The following EEF1D variants were observed in gnomAD, a reference collection of about 807,000 sequenced individuals.
EEF1D encodes eukaryotic translation elongation factor 1 delta.
A neutral mutation model predicts 63.9 loss-of-function variants in EEF1D; 47 were observed. The observed-to-expected ratio is 0.74, with a 90% CI of 0.58 to 0.94. The LOEUF (loss-of-function observed/expected upper bound fraction) is 0.94. Ranked by LOEUF, EEF1D falls within the 40% of genes least tolerant of loss-of-function variation. The pLI, the probability that EEF1D is intolerant of heterozygous loss-of-function variation, is 0.00. For synonymous variants in EEF1D, 412 were observed against 386.1 expected, an observed-to-expected ratio of 1.07 and a Z score of -0.79; for missense variants, 907 against 899.0, an observed-to-expected ratio of 1.01 and a Z score of -0.11.
In EEF1D at chr8:143,580,627, T is replaced by C. The variant is rs1172221214; in HGVS notation, c.1589A>G (p.Asn530Ser). The C allele has an allele frequency of 4.3e-6, 7 of 1,613,876 alleles. No individual in the cohort carries two copies. Among genetic ancestry groups the C allele is most frequent in the Admixed American group, 1.7e-5 (1 of 60,018 alleles). ...TGCCGCCTCCTTGTCCTCCTCCTCA[T>C]TGTCACTGCCAAACAGGTCAATGTC... is the stretch of plus-strand genomic sequence containing the variant. ...DDDIDLFGSD[N>S]EEEDKEAAQL... is the part of the protein sequence containing the mutation. Residue 530 changes from asparagine to serine, a missense_variant, in exon 8 of 10, where the codon AAT (asparagine) becomes AGT (serine). Transcript: ENST00000618139.
intron 2 of EEF1D, chr8:143,592,053 C>A (rs1828056398): frequency 1.0e-6 from 1 of 985,472 alleles, no homozygotes. Flanking sequence ...CTAGGCTCCC[C>A]TGCTCATTCC....
intron 1 of EEF1D, chr8:143,596,764 C>T (rs1162051974): frequency 6.6e-6 from 1 of 152,348 alleles, no homozygotes; most frequent in Non-Finnish European, 1.5e-5. Flanking sequence ...GAAAGTACTA[C>T]TTCTTAGCAA....
At chr8:143,594,154 A>C (rs4242489) in intron 1 of EEF1D, 148,035 of 152,934 alleles carry the variant, frequency 0.97, 71,845 homozygotes, top group East Asian at 1. Flanking sequence ...GGAAGTGGCC[A>C]AAGTGTCCCT....
At chr8:143,593,993 C>T (rs948238759) in intron 1 of EEF1D, 11 of 886,342 alleles carry the variant, frequency 1.2e-5, no homozygotes, top group Non-Finnish European at 1.5e-5. Context: ...GAGCAGGACA[C>T]AGCGACTCTT....
chr8:143,580,779 C>T, intron 7 of EEF1D, 52 bp from the exon 8 acceptor site: 1 of 1,595,688 alleles, frequency 6.3e-7, no homozygotes, highest in South Asian at 1.1e-5. Flanking sequence ...CAACCAGGGC[C>T]CAGAGCTGCC....
intron 7 of EEF1D, 142 bp from the exon 8 acceptor site, chr8:143,580,869 C>A (rs1271892668): frequency 2.6e-6 from 3 of 1,172,242 alleles, no homozygotes; most frequent in Non-Finnish European, 3.7e-6. Flanking sequence ...ACATGCAGGG[C>A]CCCAGGAAAG....
At chr8:143,587,826 C>T (rs1827001327) in intron 3 of EEF1D, among the ~76,000 whole-genome samples, 1 of 152,238 alleles carries the variant, frequency 6.6e-6, no homozygotes, top group Admixed American at 6.5e-5. Flanking sequence ...AGGAGCTGGG[C>T]AGATGACTCT....
Position 143,589,108 on chromosome 8 carries a change from G to A in EEF1D, c.974C>T (p.Ala325Val), listed in dbSNP as rs1827320094. The change falls in exon 3 of 10, where the codon GCC becomes GTC. Residue 325 changes from alanine (A) to valine (V), a missense_variant. Coordinates refer to ENST00000618139, the MANE Select transcript of EEF1D (RefSeq NM_001130053.5). Reference protein sequence around the residue: ...PWLSKPAYDSAECRHHAAEAL... With the variant: ...PWLSKPAYDSVECRHHAAEAL... ...CTCGGCAGCGTGGTGGCGGCACTCGGCGCTGTCGTAGGCAGGCTTGCTGAG... is the reference window on the plus strand; with the variant it reads ...CTCGGCAGCGTGGTGGCGGCACTCGACGCTGTCGTAGGCAGGCTTGCTGAG... 6.2e-7 allele frequency: 1 copy of A among 1,610,168 alleles called. No individual in the cohort carries two copies. The highest frequency in any genetic ancestry group is 8.5e-7 in the Non-Finnish European group (1 of 1,179,172).
intron 3 of EEF1D, among the ~76,000 whole-genome samples, chr8:143,587,790 G>A (rs867655701): frequency 2.0e-5 from 3 of 152,200 alleles, no homozygotes; most frequent in Non-Finnish European, 4.4e-5. Context: ...GCCCCACCTC[G>A]TGCCACTCCC....
chr8:143,580,871 C>T, intron 7 of EEF1D, 144 bp from the exon 8 acceptor site: 1 of 1,160,590 alleles, frequency 8.6e-7, no homozygotes, highest in Non-Finnish European at 1.2e-6. Flanking sequence ...ATGCAGGGCC[C>T]CAGGAAAGAC....
At chr8:143,586,685 G>C in intron 4 of EEF1D, 44 bp downstream of exon 4, 2 of 1,602,244 alleles carry the variant, frequency 1.2e-6, no homozygotes, top group Non-Finnish European at 1.7e-6. Context: ...GGCCACTCCT[G>C]TCGGGCAGCA....
At chr8:143,592,612 A>C in intron 2 of EEF1D, 35 bp downstream of exon 2, 1 of 985,580 alleles carries the variant, frequency 1.0e-6, no homozygotes, top group Middle Eastern at 5.2e-4. Context: ...GGTCAAATGA[A>C]GGGGAATGGG....
chr8:143,596,618 A>G (rs1040722109), intron 1 of EEF1D: 1 of 152,326 alleles, frequency 6.6e-6, no homozygotes, highest in Non-Finnish European at 1.5e-5. Context: ...CCTGTCGGGC[A>G]GGGACAACCC....
chr8:143,590,240 A>G (rs1827715137), intron 2 of EEF1D, 159 bp from the exon 3 acceptor site: 1 of 1,105,170 alleles, frequency 9.0e-7, no homozygotes, highest in Non-Finnish European at 1.3e-6. Context: ...ATGAGATGAC[A>G]TTCGAGGACT....
chr8:143,580,070 T>A lies in EEF1D; in HGVS notation c.1847A>T (p.Glu616Val). 6.2e-7 allele frequency: 1 copy of A among 1,614,028 alleles called. No individual in the cohort carries two copies. The highest frequency in any genetic ancestry group is 8.5e-7 in the Non-Finnish European group (1 of 1,180,006). Residue 616 changes from glutamate to valine, a missense_variant, in exon 9 of 10, where the codon GAG becomes GTG. Physicochemically the swap from Glu to Val is moderately radical, Grantham distance 121. Coordinates refer to ENST00000618139, the MANE Select transcript of EEF1D (RefSeq NM_001130053.5). ...IRKLQIQCVV[E>V]DDKVGTDLLE... The stretch of plus-strand genomic sequence containing the variant: ...CAAGTCTGTCCCCACCTTGTCGTCC[T>A]CCACCACACACTGAATCTGTAGCTT...
At position 143,581,052 on chromosome 8, in the gene EEF1D, AC is replaced by A. The variant is rs773894269; in HGVS notation, c.1488+1del. On this transcript the variant is annotated splice_donor_variant, in intron 7 of 9. Transcript: ENST00000618139. LOFTEE classifies it high-confidence loss of function. ...AGTGTCAGGCGTGGGGAGAGCATTC[AC>A]CTGGGTCTGTGGGGCCGTGGCCCGG... 6.2e-7 allele frequency: 1 copy of A among 1,611,408 alleles called. No homozygotes were observed. Among genetic ancestry groups the A allele is most frequent in the Admixed American group, 1.7e-5 (1 of 60,014 alleles).
Position 143,590,245 on chromosome 8 carries a change from AG to A in EEF1D, c.1-165del, listed in dbSNP as rs1334409021. On this transcript the variant is annotated intron_variant, in intron 2 of 9. Coordinates refer to ENST00000618139, the MANE Select transcript of EEF1D (RefSeq NM_001130053.5). Reference sequence around the variant, plus strand: ...TGGGGCTTCCATGAGATGACATTCGAGGACTTCGAAGTCAAGCCCATGTGGG... The same window carrying A: ...TGGGGCTTCCATGAGATGACATTCGAGACTTCGAAGTCAAGCCCATGTGGG... 2.8e-6 allele frequency: 3 copies of A among 1,061,372 alleles called. No individual in the cohort carries two copies. The South Asian group carries it at 4.2e-5, about 15-fold the overall frequency. 65.7% of individuals were successfully genotyped at this position (1,061,372 alleles called of 1,614,324 possible).
At chr8:143,584,705 C>CCTA (rs112622489) in intron 5 of EEF1D, among the ~76,000 whole-genome samples, 1 of 151,396 alleles carries the variant, frequency 6.6e-6, no homozygotes, top group South Asian at 2.1e-4. Flanking sequence ...TCTTCTAGAA[C>CCTA]AACCTAAACT....
chr8:143,592,781 G>A (rs746265004), intron 1 of EEF1D, 121 bp from the exon 2 acceptor site: 3 of 840,310 alleles, frequency 3.6e-6, no homozygotes, highest in Non-Finnish European at 4.3e-6. Context: ...GCTTGGCGAG[G>A]TGGTGTGGAG....
Sources: allele counts gnomAD v4.1 joint callset (sites outside exome capture counted in the v4.1 genomes callset), GRCh38; gene constraint gnomAD v4.1.1; transcripts MANE v1.5; gene names NCBI Gene and HGNC (gene_info 2026-07-23, HGNC 2026-07-21).